Variants in GATAD2A observed in about 807,000 individuals in gnomAD.
GATAD2A encodes transcriptional repressor p66-alpha.
Under a neutral mutation model 68.5 loss-of-function variants are expected in GATAD2A, and 12 were observed. The observed-to-expected ratio is 0.18, with a 90% CI of 0.11 to 0.28. The LOEUF is 0.28. GATAD2A is among the 10% of genes least tolerant of loss of function. The probability of loss-of-function intolerance (pLI) is 1.00; values close to 1 mark genes in which losing one functional copy is unlikely to be tolerated. For missense variants in GATAD2A, 755 were observed against 868.5 expected (o/e 0.87, Z 1.64); for synonymous variants, 410 against 375.3 (o/e 1.09, Z -1.07).
chr19:19,470,689 T>C (rs1250940304), intron 2 of GATAD2A, among the ~76,000 whole-genome samples: 1 of 151,952 alleles, frequency 6.6e-6, no homozygotes, highest in Non-Finnish European at 1.5e-5. Context: ...CAATTGTAGG[T>C]GAACGTTCTC....
chr19:19,474,332 C>G (rs2058522403), intron 2 of GATAD2A, among the ~76,000 whole-genome samples: 1 of 152,094 alleles, frequency 6.6e-6, no homozygotes. Flanking sequence ...GAGTCAAACC[C>G]TGAATTTAGG....
chr19:19,457,447 C>G (rs996269391), intron 1 of GATAD2A, among the ~76,000 whole-genome samples: 2 of 152,104 alleles, frequency 1.3e-5, no homozygotes, highest in African/African-American at 4.8e-5. Context: ...GCAGTGTAAA[C>G]ATGATTAACA....
At chr19:19,441,022 CTTCCTTCCCTTCCTTCTT>C (rs1231157471) in intron 1 of GATAD2A, among the ~76,000 whole-genome samples, 4 of 129,418 alleles carry the variant, frequency 3.1e-5, no homozygotes, top group South Asian at 5.5e-4. Context: ...CCTTCCTTCC[CTTCCTTCCCTTCCTTCTT>C]TCCTTCCCTT....
At chr19:19,492,746 C>G (rs973950082) in intron 4 of GATAD2A, 34 bp downstream of exon 4, 2 of 1,611,370 alleles carry the variant, frequency 1.2e-6, no homozygotes, top group Admixed American at 1.7e-5. Flanking sequence ...CCTGGGCCAG[C>G]AGGAGCGCCT....
chr19:19,467,498 A>G (rs2057963668), intron 2 of GATAD2A, among the ~76,000 whole-genome samples: 1 of 152,176 alleles, frequency 6.6e-6, no homozygotes. Context: ...GGTACTTTAA[A>G]TAAGTGGGAT....
At chr19:19,402,776 A>ATTTT (rs1400983648), upstream of GATAD2A, among the ~76,000 whole-genome samples, 1 of 112,430 alleles carries the variant, frequency 8.9e-6, no homozygotes, top group African/African-American at 3.3e-5. Flanking sequence ...TGTTTTTTTG[A>ATTTT]TTTTTTTTTT....
intron 1 of GATAD2A, among the ~76,000 whole-genome samples, chr19:19,457,665 C>T (rs74706130): frequency 0.016 from 2,466 of 151,376 alleles, 26 homozygotes; most frequent in Non-Finnish European, 0.027. Context: ...GGTGTGAACC[C>T]GGGAGGCGGA....
chr19:19,504,518 T>G (rs890040713), intron 11 of GATAD2A, among the ~76,000 whole-genome samples: 8 of 151,896 alleles, frequency 5.3e-5, no homozygotes, highest in African/African-American at 1.9e-4. Flanking sequence ...CTGGGCACAG[T>G]GGCTCGTGCC....
At chr19:19,461,064 G>A (rs915116019) in intron 1 of GATAD2A, among the ~76,000 whole-genome samples, 34 of 152,160 alleles carry the variant, frequency 2.2e-4, no homozygotes, top group African/African-American at 8.0e-4. Flanking sequence ...CCTCTGTCTT[G>A]TTCACCACTG....
chr19:19,459,421 C>G (rs1238389074), intron 1 of GATAD2A, among the ~76,000 whole-genome samples: 1 of 148,030 alleles, frequency 6.8e-6, no homozygotes, highest in African/African-American at 2.5e-5. Flanking sequence ...TGCAACTTTT[C>G]TCCCACAGTT....
At chr19:19,480,247 AAT>A (rs1436647025) in intron 2 of GATAD2A, among the ~76,000 whole-genome samples, 8 of 152,182 alleles carry the variant, frequency 5.3e-5, no homozygotes, top group Non-Finnish European at 1.2e-4. Flanking sequence ...ATGAGTTTGT[AAT>A]ACCATTGAAT....
intron 1 of GATAD2A, among the ~76,000 whole-genome samples, chr19:19,424,836 G>A (rs1336766393): frequency 6.6e-6 from 1 of 152,018 alleles, no homozygotes; most frequent in African/African-American, 2.4e-5. Context: ...AACTTGAGCT[G>A]GGTGTGGTGG....
At chr19:19,474,662 TTGTC>T (rs976181208) in intron 2 of GATAD2A, among the ~76,000 whole-genome samples, 2 of 152,252 alleles carry the variant, frequency 1.3e-5, no homozygotes, top group African/African-American at 4.8e-5. Context: ...TCCCTGCAGA[TTGTC>T]TGTTTGTGGG....
At chr19:19,476,803 G>A (rs1301042439) in intron 2 of GATAD2A, among the ~76,000 whole-genome samples, 1 of 152,190 alleles carries the variant, frequency 6.6e-6, no homozygotes, top group Non-Finnish European at 1.5e-5. Context: ...ACACCCAGGG[G>A]GGCAGTGTTT....
At chr19:19,486,706 C>G (rs1434811151) in intron 2 of GATAD2A, among the ~76,000 whole-genome samples, 2 of 152,192 alleles carry the variant, frequency 1.3e-5, no homozygotes, top group Non-Finnish European at 1.5e-5. Context: ...GTCACTGTTC[C>G]CGAGGCCTGA....
rs990895981 is a variant in GATAD2A at position 19,394,445 on chromosome 19, C to CTT, written c.-7+8324_-7+8325dup. Among the ~76,000 whole-genome samples, 136 of 132,152 alleles carry CTT rather than the reference C, an allele frequency of 1.0e-3. 2 individuals carry two copies. The highest frequency in any genetic ancestry group is 8.3e-3 in the South Asian group (34 of 4,080). The allele number at this position is 132,152 out of a possible 152,430, so 86.7% of individuals were successfully genotyped here. A position where few individuals can be genotyped will look rare whatever the true frequency, so the allele number is the denominator to read the frequency against. ...GATTTCCCTCTGCCCGGGCTTTCCT[C>CTT]TTTTTTTTTTTTTTTTTTGAGATGG... On this transcript the variant is annotated intron_variant, in intron 1 of 11. Transcript: ENST00000360315.
chr19:19,504,933 C>T (rs528390829), intron 11 of GATAD2A, among the ~76,000 whole-genome samples: 4 of 152,292 alleles, frequency 2.6e-5, no homozygotes, highest in Admixed American at 1.3e-4. Flanking sequence ...GCTGAGCCTC[C>T]GTGCCCAGCT....
At chr19:19,469,808 G>A (rs534554539) in intron 2 of GATAD2A, among the ~76,000 whole-genome samples, 1 of 151,600 alleles carries the variant, frequency 6.6e-6, no homozygotes, top group African/African-American at 2.4e-5. Flanking sequence ...TTAGCCAGGC[G>A]TGGTGGCACG....
intron 10 of GATAD2A, 23 bp from the exon 11 acceptor site, chr19:19,502,308 T>C: frequency 1.9e-6 from 3 of 1,573,150 alleles, no homozygotes; most frequent in South Asian, 2.2e-5. Context: ...GCATGAGCCG[T>C]CACCCCCCTT....
Sources: gnomAD v4.1 joint callset for allele counts (sites outside exome capture counted in the v4.1 genomes callset) on GRCh38, gnomAD v4.1.1 for gene constraint, MANE v1.5 for transcripts, NCBI Gene and HGNC (gene_info 2026-07-23, HGNC 2026-07-21) for gene names.